The following ZNF704 variants were observed in gnomAD, a reference collection of about 807,000 sequenced individuals.
ZNF704 encodes zinc finger protein 704.
Under a neutral mutation model 44.7 loss-of-function variants are expected in ZNF704, and 10 were observed. The ratio of observed to expected loss-of-function variants is 0.22; its 90% CI spans 0.14 to 0.38. The LOEUF (loss-of-function observed/expected upper bound fraction) is 0.38, where lower values mean the gene tolerates loss of function less well. Among genes scored for constraint, ZNF704 ranks in the 10% least tolerant of loss-of-function variants. ZNF704 has a pLI of 1.00. For missense variants in ZNF704, 390 were observed against 545.5 expected, an observed-to-expected ratio of 0.71 and a Z score of 2.84; for synonymous variants, 211 against 207.6, an observed-to-expected ratio of 1.02 and a Z score of -0.14.
chr8:80,718,854 A>G (rs1819116564), intron 2 of ZNF704, among the ~76,000 whole-genome samples: 1 of 152,218 alleles, frequency 6.6e-6, no homozygotes. Flanking sequence ...TACAGTACAC[A>G]TCTATTCCTC....
At chr8:80,875,452 G>A (rs1000259755), upstream of ZNF704, among the ~76,000 whole-genome samples, 4 of 152,100 alleles carry the variant, frequency 2.6e-5, no homozygotes, top group Admixed American at 1.3e-4. Flanking sequence ...TTAAAGGCGC[G>A]CTCCACCATG....
rs1281005294 is a variant in ZNF704 at position 80,855,420 on chromosome 8, CA to C, written c.-22+19150del. Reference sequence around the variant, plus strand: ...ATGACTGGATAAAGAAAATGTGATACATATACACAGTGGAATACCATTCAGC... The same window carrying C: ...ATGACTGGATAAAGAAAATGTGATACTATACACAGTGGAATACCATTCAGC... On this transcript the variant is annotated intron_variant, in intron 1 of 8. Transcript: ENST00000327835. Among the ~76,000 whole-genome samples, 4 of 150,414 alleles carry C rather than the reference CA, an allele frequency of 2.7e-5. No homozygotes were observed. In the East Asian group the frequency reaches 7.7e-4, roughly 29 times the overall value.
At position 80,641,281 on chromosome 8, in the gene ZNF704, G is replaced by C. The variant is rs755069234; in HGVS notation, c.*85C>G. On this transcript the variant is annotated 3_prime_UTR_variant, in exon 9 of 9. Transcript: ENST00000327835. The stretch of plus-strand genomic sequence containing the variant: ...CCTGGCTTCAACTGTGTTTTATTCA[G>C]TAGGAAAAGCTCTTTCCAACACCTG... The C allele has an allele frequency of 1.2e-4, 103 of 858,960 alleles. No individual in the cohort carries two copies. In the Middle Eastern group the frequency reaches 2.3e-3, roughly 19 times the overall value. 53.2% of individuals were successfully genotyped at this position (858,960 alleles called of 1,614,324 possible).
upstream of ZNF704, among the ~76,000 whole-genome samples, chr8:80,878,343 G>A (rs1809387069): frequency 1.3e-5 from 2 of 152,048 alleles, no homozygotes; most frequent in African/African-American, 4.8e-5. Context: ...ATTATGTTCA[G>A]TGTTTTTTTA....
intron 2 of ZNF704, chr8:80,812,725 T>C (rs1808109364): frequency 6.6e-6 from 1 of 152,186 alleles, no homozygotes; most frequent in Non-Finnish European, 1.5e-5. Flanking sequence ...CACTGTCTCT[T>C]TTTCCTATTT....
intron 1 of ZNF704, among the ~76,000 whole-genome samples, chr8:80,870,237 C>T (rs2130072229): frequency 6.6e-6 from 1 of 152,270 alleles, no homozygotes; most frequent in East Asian, 1.9e-4. Context: ...ACTAATAACC[C>T]CTCTTCCACA....
chr8:80,842,543 A>C (rs1352486129), intron 1 of ZNF704, among the ~76,000 whole-genome samples: 1 of 152,178 alleles, frequency 6.6e-6, no homozygotes, highest in Non-Finnish European at 1.5e-5. Context: ...TAAACAGAAC[A>C]GTATGGGCCA....
At chr8:80,844,035 T>C (rs1808727276) in intron 1 of ZNF704, among the ~76,000 whole-genome samples, 2 of 151,324 alleles carry the variant, frequency 1.3e-5, no homozygotes, top group Non-Finnish European at 2.9e-5. Flanking sequence ...AAGTCTATGT[T>C]CATGGAGCTT....
At chr8:80,780,032 A>G (rs1313087506) in intron 2 of ZNF704, among the ~76,000 whole-genome samples, 3 of 152,064 alleles carry the variant, frequency 2.0e-5, no homozygotes, top group Non-Finnish European at 4.4e-5. Context: ...ACTTTGAAAG[A>G]TATCTGGGTG....
At chr8:80,704,769 C>A (rs889972977) in intron 2 of ZNF704, among the ~76,000 whole-genome samples, 1 of 152,204 alleles carries the variant, frequency 6.6e-6, no homozygotes, top group African/African-American at 2.4e-5. Context: ...AAATGCCACA[C>A]CCCTTCCCAC....
At chr8:80,869,348 T>A (rs79698810) in intron 1 of ZNF704, among the ~76,000 whole-genome samples, 5,723 of 152,292 alleles carry the variant, frequency 0.038, 376 homozygotes, top group African/African-American at 0.13. Context: ...ATCTCCCTAG[T>A]ACATTTGCTC....
intron 8 of ZNF704, among the ~76,000 whole-genome samples, chr8:80,641,842 C>T (rs934991630): frequency 1.3e-5 from 2 of 152,138 alleles, no homozygotes; most frequent in African/African-American, 4.8e-5. Context: ...TGGGAGACAG[C>T]GACTTCTCTC....
At chr8:80,807,436 A>G (rs1808007640) in intron 2 of ZNF704, among the ~76,000 whole-genome samples, 2 of 152,100 alleles carry the variant, frequency 1.3e-5, no homozygotes, top group Admixed American at 6.6e-5. Flanking sequence ...AATAATGAGG[A>G]AAAAAAGCTT....
intron 2 of ZNF704, among the ~76,000 whole-genome samples, chr8:80,802,057 A>G (rs1807910584): frequency 6.6e-6 from 1 of 152,106 alleles, no homozygotes; most frequent in South Asian, 2.1e-4. Context: ...CTCTATGCAC[A>G]TAAACTAGAA....
rs1201456818 is a variant in ZNF704, at chr8:80,709,312, C to T, written c.222-16205G>A. Among the ~76,000 whole-genome samples the T allele has an allele frequency of 5.9e-5, 9 of 151,656 alleles. No homozygotes were observed. The South Asian group carries it at 6.3e-4, about 11-fold the overall frequency. ...ACAAAAAATTAGCCGAGCATGGTGGCGGGCGCGTGTAGTCCCAGCTACTCA... is the reference window on the plus strand; with the variant it reads ...ACAAAAAATTAGCCGAGCATGGTGGTGGGCGCGTGTAGTCCCAGCTACTCA... On this transcript the variant is annotated intron_variant, in intron 2 of 8. Coordinates refer to ENST00000327835, the MANE Select transcript of ZNF704 (RefSeq NM_001033723.3).
chr8:80,817,775 A>T (rs1419053608), intron 2 of ZNF704, among the ~76,000 whole-genome samples: 2 of 152,234 alleles, frequency 1.3e-5, no homozygotes, highest in African/African-American at 2.4e-5. Flanking sequence ...CAATAAAAAA[A>T]TTGGGCTTTT....
chr8:80,832,015 T>C (rs1808479935), intron 1 of ZNF704, among the ~76,000 whole-genome samples: 1 of 152,244 alleles, frequency 6.6e-6, no homozygotes, highest in Admixed American at 6.5e-5. Context: ...TCATATAGTG[T>C]ATCACAGACA....
intron 1 of ZNF704, among the ~76,000 whole-genome samples, chr8:80,825,454 T>C (rs1051380533): frequency 1.3e-5 from 2 of 152,148 alleles, no homozygotes; most frequent in African/African-American, 2.4e-5. Flanking sequence ...CAAAGAGACT[T>C]AGACTCCCAC....
intron 1 of ZNF704, among the ~76,000 whole-genome samples, chr8:80,857,203 A>T (rs1808977794): frequency 6.6e-6 from 1 of 152,006 alleles, no homozygotes; most frequent in African/African-American, 2.4e-5. Context: ...CTTTTTTCCT[A>T]ATATTTATGC....
Sources: allele counts gnomAD v4.1 joint callset (sites outside exome capture counted in the v4.1 genomes callset), GRCh38; gene constraint gnomAD v4.1.1; transcripts MANE v1.5; gene names NCBI Gene and HGNC (gene_info 2026-07-23, HGNC 2026-07-21).